Variants in VRTN observed in about 807,000 individuals in gnomAD.
The protein encoded by VRTN is vertnin.
In VRTN, 5 loss-of-function variants were observed where a neutral mutation model predicts 18.2. That is an observed-to-expected ratio of 0.27 (90% CI 0.14 to 0.58). The LOEUF (loss-of-function observed/expected upper bound fraction) is 0.58. Among genes scored for constraint, VRTN ranks in the 20% least tolerant of loss-of-function variants. The pLI is 0.91. For missense variants in VRTN, 741 were observed against 939.4 expected, an observed-to-expected ratio of 0.79 and a Z score of 2.76; for synonymous variants, 381 against 393.7, an observed-to-expected ratio of 0.97 and a Z score of 0.38.
intron 1 of VRTN, among the ~76,000 whole-genome samples, chr14:74,353,768 G>C (rs374717618): frequency 6.6e-6 from 1 of 151,998 alleles, no homozygotes; most frequent in African/African-American, 2.4e-5. Flanking sequence ...TGTCGTCCAG[G>C]CTGGACTGCA....
intron 1 of VRTN, among the ~76,000 whole-genome samples, chr14:74,351,680 A>AT (rs1373315218): frequency 2.0e-5 from 3 of 150,212 alleles, no homozygotes; most frequent in Admixed American, 1.3e-4. Flanking sequence ...GGGTTATGTT[A>AT]TGTTGTCCAG....
chr14:74,337,526 G>A (rs1175283332), intron 1 of VRTN, among the ~76,000 whole-genome samples: 2 of 152,156 alleles, frequency 1.3e-5, no homozygotes, highest in Non-Finnish European at 2.9e-5. Flanking sequence ...GGGAGACGTT[G>A]AGTTTGGCCT....
At chr14:74,312,564 C>T (rs1412521708) in intron 1 of VRTN, among the ~76,000 whole-genome samples, 2 of 151,864 alleles carry the variant, frequency 1.3e-5, no homozygotes, top group East Asian at 3.9e-4. Flanking sequence ...GATCCTTCCA[C>T]CTCAGCCTCC....
chr14:74,340,542 C>T (rs944572783), intron 2 of VRTN, among the ~76,000 whole-genome samples: 3 of 151,894 alleles, frequency 2.0e-5, no homozygotes, highest in African/African-American at 7.3e-5. Flanking sequence ...CATACCCGGC[C>T]AATGAGAAGC....
chr14:74,352,097 G>A (rs766813883), intron 1 of VRTN, among the ~76,000 whole-genome samples: 1 of 151,870 alleles, frequency 6.6e-6, no homozygotes, highest in Non-Finnish European at 1.5e-5. Flanking sequence ...TGATCCGCCT[G>A]CCTCGTCCTC....
At chr14:74,346,896 A>C (rs2085648000), upstream of VRTN, among the ~76,000 whole-genome samples, 1 of 152,216 alleles carries the variant, frequency 6.6e-6, no homozygotes, top group South Asian at 2.1e-4. Context: ...TTGGTTTTTA[A>C]AATGATAGCA....
intron 1 of VRTN, among the ~76,000 whole-genome samples, chr14:74,306,831 C>A (rs2140189930): frequency 6.6e-6 from 1 of 151,530 alleles, no homozygotes; most frequent in South Asian, 2.1e-4. Flanking sequence ...GTCTAGAACT[C>A]CTGAGCTCAA....
chr14:74,330,721 G>T (rs560184226), intron 1 of VRTN, among the ~76,000 whole-genome samples: 1 of 151,796 alleles, frequency 6.6e-6, no homozygotes, highest in African/African-American at 2.4e-5. Flanking sequence ...GATTACAGGC[G>T]TGAGCCACCG....
chr14:74,347,665 C>T (rs539842002), upstream of VRTN, among the ~76,000 whole-genome samples: 36 of 152,240 alleles, frequency 2.4e-4, no homozygotes, highest in Non-Finnish European at 4.3e-4. Flanking sequence ...ATCCTGAGGC[C>T]TTCACCTCCC....
intron 2 of VRTN, among the ~76,000 whole-genome samples, chr14:74,338,643 C>T (rs1235586593): frequency 6.6e-6 from 1 of 152,218 alleles, no homozygotes; most frequent in African/African-American, 2.4e-5. Context: ...AAGCCTCAAA[C>T]TCCTGGGCTC....
chr14:74,349,870 C>T (rs987811522), intron 1 of VRTN, among the ~76,000 whole-genome samples: 5 of 152,160 alleles, frequency 3.3e-5, no homozygotes, highest in Non-Finnish European at 7.4e-5. Context: ...TCTGGATGTC[C>T]TGCCTTTACC....
Position 74,359,172 on chromosome 14 carries a change from T to C in VRTN, c.*280T>C, listed in dbSNP as rs2085762203. ...TATGATTTAGTTTTTGGTTTTGATTTGAGTGGGTTGGTTGGCCCCCTTGCT... is the reference window on the plus strand; with the variant it reads ...TATGATTTAGTTTTTGGTTTTGATTCGAGTGGGTTGGTTGGCCCCCTTGCT... On this transcript the variant is annotated 3_prime_UTR_variant, in exon 2 of 2. Transcript: ENST00000256362. The C allele has an allele frequency of 2.1e-6, 1 of 471,572 alleles. No homozygotes were observed. Among genetic ancestry groups the C allele is most frequent in the Non-Finnish European group, 3.4e-6 (1 of 297,486 alleles). The allele number at this position is 471,572 out of a possible 1,614,324, so 29.2% of individuals were successfully genotyped here.
chr14:74,303,843 A>ATTTTTTTTTTTTTTTTTTTT (rs67822776), intron 1 of VRTN, among the ~76,000 whole-genome samples: 1 of 88,498 alleles, frequency 1.1e-5, no homozygotes, highest in Admixed American at 1.4e-4. Context: ...ACAATTACAG[A>ATTTTTTTTTTTTTTTTTTTT]TTTTTTTTTT....
chr14:74,353,298 G>GA (rs374538575), intron 1 of VRTN, among the ~76,000 whole-genome samples: 9 of 151,832 alleles, frequency 5.9e-5, no homozygotes, highest in African/African-American at 2.2e-4. Context: ...CAAAAAAAAA[G>GA]AAAAAAAGTG....
chr14:74,303,659 C>A (rs549271332), intron 1 of VRTN, among the ~76,000 whole-genome samples: 2 of 151,586 alleles, frequency 1.3e-5, no homozygotes, highest in South Asian at 2.1e-4. Context: ...GGAAATGGCT[C>A]AAAAAAAACC....
At chr14:74,320,553 C>T (rs1185111832) in intron 1 of VRTN, among the ~76,000 whole-genome samples, 15 of 121,556 alleles carry the variant, frequency 1.2e-4, no homozygotes, top group South Asian at 1.2e-3. Flanking sequence ...TGAGCCACTG[C>T]GCCCGGCCTC....
chr14:74,321,606 A>G lies in VRTN; in HGVS notation c.-163-16117A>G, dbSNP rs139474233. ...CTGCAACCTCCACCTCCTGGGTTCA[A>G]GCGATTCTCCTGCCTTACCTCCTAA... is the stretch of plus-strand genomic sequence containing the variant. On this transcript the variant is annotated intron_variant, in intron 1 of 2. Coordinates refer to the VRTN transcript ENST00000557177. Among the ~76,000 whole-genome samples the G allele has an allele frequency of 2.1e-3, 323 of 150,512 alleles. 20 individuals are homozygous for G. The East Asian group carries it at 0.058, about 27-fold the overall frequency.
chr14:74,304,864 A>G (rs1018455784), intron 1 of VRTN, among the ~76,000 whole-genome samples: 2 of 152,190 alleles, frequency 1.3e-5, no homozygotes, highest in African/African-American at 4.8e-5. Context: ...AATAGGATGC[A>G]ATTTTTGAAA....
At chr14:74,307,556 A>G (rs555179480) in intron 1 of VRTN, among the ~76,000 whole-genome samples, 1 of 152,298 alleles carries the variant, frequency 6.6e-6, no homozygotes, top group East Asian at 1.9e-4. Flanking sequence ...TGAACAAAAA[A>G]AGTATTACAC....
Sources: allele counts gnomAD v4.1 joint callset (sites outside exome capture counted in the v4.1 genomes callset), GRCh38; gene constraint gnomAD v4.1.1; transcripts MANE v1.5; gene names NCBI Gene and HGNC (gene_info 2026-07-23, HGNC 2026-07-21).